Variants in RALY observed in about 807,000 individuals in gnomAD.
RALY encodes RALY heterogeneous nuclear ribonucleoprotein.
A neutral mutation model predicts 30.7 loss-of-function variants in RALY; 15 were observed. The observed-to-expected ratio is 0.49, with a 90% CI of 0.33 to 0.75. The LOEUF is 0.75. Ranked by LOEUF, RALY falls within the 30% of genes least tolerant of loss-of-function variation. The pLI, the probability that RALY is intolerant of heterozygous loss-of-function variation, is 0.02. For missense variants in RALY, 339 were observed against 414.3 expected, an observed-to-expected ratio of 0.82 and a Z score of 1.58; for synonymous variants, 177 against 170.8, an observed-to-expected ratio of 1.04 and a Z score of -0.28.
At chr20:34,066,018 G>A (rs529177187) in intron 2 of RALY, among the ~76,000 whole-genome samples, 1 of 152,244 alleles carries the variant, frequency 6.6e-6, no homozygotes, top group South Asian at 2.1e-4. Context: ...AGCACATGAG[G>A]GGTGACATGG....
At chr20:34,059,428 T>TG (rs2033351900) in intron 2 of RALY, among the ~76,000 whole-genome samples, 1 of 152,338 alleles carries the variant, frequency 6.6e-6, no homozygotes, top group East Asian at 1.9e-4. Context: ...CTGTCCATCC[T>TG]GGGAGTATTC....
intron 2 of RALY, among the ~76,000 whole-genome samples, chr20:34,051,550 AG>A (rs1228346577): frequency 6.6e-6 from 1 of 152,182 alleles, no homozygotes; most frequent in African/African-American, 2.4e-5. Context: ...CCTATCTCAT[AG>A]GATAGCGTTT....
chr20:34,070,975 A>G (rs2033709475), intron 2 of RALY, among the ~76,000 whole-genome samples: 1 of 152,168 alleles, frequency 6.6e-6, no homozygotes, highest in Non-Finnish European at 1.5e-5. Flanking sequence ...GGAAGTAGAC[A>G]CGTCTTCATA....
At chr20:34,037,616 A>G (rs2032545970) in intron 2 of RALY, among the ~76,000 whole-genome samples, 1 of 152,186 alleles carries the variant, frequency 6.6e-6, no homozygotes, top group African/African-American at 2.4e-5. Flanking sequence ...TAGTTTCCTC[A>G]TCTATAAACA....
At chr20:34,070,373 C>T (rs2122278624) in intron 2 of RALY, among the ~76,000 whole-genome samples, 1 of 152,218 alleles carries the variant, frequency 6.6e-6, no homozygotes, top group South Asian at 2.1e-4. Flanking sequence ...TTCCCCTTTC[C>T]TCTTGGAGCC....
chr20:33,997,666 A>G (rs1181028866), intron 1 of RALY, among the ~76,000 whole-genome samples: 1 of 152,190 alleles, frequency 6.6e-6, no homozygotes, highest in Non-Finnish European at 1.5e-5. Context: ...GAGGATGTTT[A>G]TGGATACTCA....
intron 2 of RALY, among the ~76,000 whole-genome samples, chr20:34,046,813 CTTTTT>C (rs61495395): frequency 2.7e-5 from 2 of 72,764 alleles, no homozygotes; most frequent in Admixed American, 1.6e-4. Flanking sequence ...GACCTCCACT[CTTTTT>C]TTTTTTTTTT....
intron 2 of RALY, among the ~76,000 whole-genome samples, chr20:34,044,939 G>T (rs1324318962): frequency 3.3e-5 from 5 of 152,086 alleles, no homozygotes; most frequent in Non-Finnish European, 7.3e-5. Context: ...TTGAGACAGG[G>T]TTTCACTCTG....
At chr20:34,033,796 C>T (rs1035643606) in intron 2 of RALY, among the ~76,000 whole-genome samples, 7 of 152,138 alleles carry the variant, frequency 4.6e-5, no homozygotes, top group Non-Finnish European at 7.4e-5. Context: ...ACCTGTTTGC[C>T]GCCCCATTCC....
chr20:34,076,991 A>C, intron 7 of RALY, 37 bp from the exon 8 acceptor site: 1 of 1,610,120 alleles, frequency 6.2e-7, no homozygotes, highest in South Asian at 1.1e-5. Flanking sequence ...CCCCAGGCTG[A>C]GTTTTATTCT....
intron 2 of RALY, among the ~76,000 whole-genome samples, chr20:34,067,974 G>A (rs1398630373): frequency 6.6e-6 from 1 of 152,098 alleles, no homozygotes; most frequent in Non-Finnish European, 1.5e-5. Flanking sequence ...CTCACTAGCT[G>A]TAGCATCCTG....
intron 2 of RALY, among the ~76,000 whole-genome samples, chr20:34,062,025 C>A (rs2033432153): frequency 1.3e-5 from 2 of 152,194 alleles, no homozygotes; most frequent in South Asian, 4.1e-4. Flanking sequence ...CAAGGATATG[C>A]CACATGACCT....
At chr20:34,044,050 A>G (rs1364189557) in intron 2 of RALY, among the ~76,000 whole-genome samples, 1 of 151,994 alleles carries the variant, frequency 6.6e-6, no homozygotes, top group African/African-American at 2.4e-5. Context: ...TTCCAAGCAG[A>G]AAGACCAGTG....
Position 34,073,821 on chromosome 20 carries a change from G to A in RALY, c.332G>A (p.Gly111Asp). ...LKRAASAIYSGYIFDYDYYRD... is the reference protein window; with the variant it reads ...LKRAASAIYSDYIFDYDYYRD... ...CCCTCTCCCCTTTGTTTCCCCAGTG[G>A]CTACATCTTTGACTATGATTACTAC... Residue 111 changes from glycine (G) to aspartate (D), a missense_variant and splice_region_variant, in exon 5 of 10, where the codon GGC becomes GAC. Coordinates refer to ENST00000246194, the MANE Select transcript of RALY (RefSeq NM_016732.3). 5 of 1,614,122 alleles carry A rather than the reference G, an allele frequency of 3.1e-6. No individual in the cohort carries two copies. The highest frequency in any genetic ancestry group is 4.2e-6 in the Non-Finnish European group (5 of 1,179,994).
rs1164619251 is a variant in RALY at position 34,076,066 on chromosome 20, G to A, written c.544+26G>A. The stretch of plus-strand genomic sequence containing the variant: ...GTGAGTGACTGTATCATATTCCTAA[G>A]TAATTTGCATTTTTATCATTAGCAA... On this transcript the variant is annotated intron_variant, in intron 6 of 9. Coordinates refer to ENST00000246194, the MANE Select transcript of RALY (RefSeq NM_016732.3). 3.2e-6 allele frequency: 5 copies of A among 1,586,004 alleles called. No individual in the cohort carries two copies. In the Admixed American group the frequency reaches 9.0e-5, roughly 28 times the overall value.
intron 2 of RALY, among the ~76,000 whole-genome samples, chr20:34,033,468 A>G (rs1008973319): frequency 6.6e-6 from 1 of 152,166 alleles, no homozygotes; most frequent in East Asian, 1.9e-4. Flanking sequence ...GTCTGCACCC[A>G]GTGAGGGCCT....
At chr20:34,072,694 C>T (rs1380466571) in intron 3 of RALY, among the ~76,000 whole-genome samples, 1 of 152,132 alleles carries the variant, frequency 6.6e-6, no homozygotes, top group Admixed American at 6.5e-5. Flanking sequence ...GCAGGAGGGC[C>T]TGAGAGCACA....
chr20:34,012,809 G>A (rs2031458151), intron 1 of RALY, among the ~76,000 whole-genome samples: 1 of 152,252 alleles, frequency 6.6e-6, no homozygotes, highest in African/African-American at 2.4e-5. Context: ...TTTGTCAGCA[G>A]CATAGTGCTT....
At chr20:34,050,368 G>A (rs947052043) in intron 2 of RALY, among the ~76,000 whole-genome samples, 3 of 152,242 alleles carry the variant, frequency 2.0e-5, no homozygotes, top group Admixed American at 1.3e-4. Context: ...GGCTCAAACC[G>A]TCTTGGTCTA....
Sources: allele counts gnomAD v4.1 joint callset (sites outside exome capture counted in the v4.1 genomes callset), GRCh38; gene constraint gnomAD v4.1.1; transcripts MANE v1.5; gene names NCBI Gene and HGNC (gene_info 2026-07-23, HGNC 2026-07-21).